Variants in PLEKHD1 observed in about 807,000 individuals in gnomAD.
PLEKHD1 encodes the protein pleckstrin homology and coiled-coil domain containing D1.
A neutral mutation model predicts 69.2 loss-of-function variants in PLEKHD1; 51 were observed. The observed-to-expected ratio is 0.74, with a 90% CI of 0.59 to 0.93. The LOEUF (loss-of-function observed/expected upper bound fraction) is 0.93, where lower values mean the gene tolerates loss of function less well. PLEKHD1 is among the 40% of genes least tolerant of loss of function. The pLI, the probability that PLEKHD1 is intolerant of heterozygous loss-of-function variation, is 0.00. For missense variants in PLEKHD1, 584 were observed against 641.0 expected, an observed-to-expected ratio of 0.91 and a Z score of 0.96; for synonymous variants, 236 against 244.7, an observed-to-expected ratio of 0.96 and a Z score of 0.33.
chr14:69,492,458 C>T (rs1272287118), intron 1 of PLEKHD1, among the ~76,000 whole-genome samples: 1 of 152,218 alleles, frequency 6.6e-6, no homozygotes, highest in Non-Finnish European at 1.5e-5. Context: ...GTCTACTCTC[C>T]TGGTGTGTTG....
rs897773384 is a variant in PLEKHD1, at chr14:69,492,297, T to C, written c.149+7183T>C. Among the ~76,000 whole-genome samples the C allele has an allele frequency of 1.1e-4, 16 of 152,226 alleles. No individual in the cohort carries two copies. The South Asian group carries it at 1.4e-3, about 14-fold the overall frequency. ...CTTCCAAATTCCCAAGATACTCCTA[T>C]TCATTCTTCAAAGCCCTGCTTAGTT... On this transcript the variant is annotated intron_variant, in intron 1 of 12. Transcript: ENST00000322564.
chr14:69,515,283 C>A (rs1194587646), intron 6 of PLEKHD1, among the ~76,000 whole-genome samples: 1 of 152,166 alleles, frequency 6.6e-6, no homozygotes, highest in Non-Finnish European at 1.5e-5. Context: ...TCACTGAGAA[C>A]CTGGTAGAGC....
At chr14:69,483,860 T>C (rs1237116344), upstream of PLEKHD1, among the ~76,000 whole-genome samples, 1 of 152,008 alleles carries the variant, frequency 6.6e-6, no homozygotes, top group Non-Finnish European at 1.5e-5. Flanking sequence ...GAGGAGGCGG[T>C]CCCCTGGGGC....
In PLEKHD1 at chr14:69,524,214, CCT is replaced by C; in HGVS notation, c.651-12_651-11del. On this transcript the variant is annotated splice_polypyrimidine_tract_variant and intron_variant, in intron 7 of 12. Coordinates refer to ENST00000322564, the MANE Select transcript of PLEKHD1 (RefSeq NM_001161498.2). ...GAGAGTGGGCACTGCCATACCCAGC[CCT>C]CTGTCTCCACAGGGAGCTGGAACTG... is the stretch of plus-strand genomic sequence containing the variant. The C allele has an allele frequency of 1.3e-6, 2 of 1,543,360 alleles. No homozygotes were observed. The highest frequency in any genetic ancestry group is 2.4e-5 in the South Asian group (2 of 83,854).
At chr14:69,512,082 G>A (rs925536636) in intron 6 of PLEKHD1, among the ~76,000 whole-genome samples, 1 of 152,182 alleles carries the variant, frequency 6.6e-6, no homozygotes, top group South Asian at 2.1e-4. Context: ...ATAGATATAG[G>A]CCTATTCAAA....
intron 6 of PLEKHD1, among the ~76,000 whole-genome samples, chr14:69,518,010 ATTTATTTATTTATTTATTTATTTG>A (rs908771103): frequency 8.7e-5 from 4 of 45,962 alleles, no homozygotes; most frequent in East Asian, 9.0e-4. Flanking sequence ...TTATTTATTT[ATTTATTTATTTATTTATTTATTTG>A]TTTGTTTGTT....
intron 1 of PLEKHD1, among the ~76,000 whole-genome samples, chr14:69,497,215 C>T (rs183637363): frequency 7.1e-4 from 108 of 152,320 alleles, no homozygotes; most frequent in Non-Finnish European, 9.8e-4. Flanking sequence ...CCCATTCTAT[C>T]GATAGAGAAA....
At chr14:69,499,955 G>T (rs913110346) in intron 1 of PLEKHD1, among the ~76,000 whole-genome samples, 160 bp from the exon 2 acceptor site, 2 of 152,104 alleles carry the variant, frequency 1.3e-5, no homozygotes, top group African/African-American at 4.8e-5. Flanking sequence ...GCCAGCTGAG[G>T]CCTTTGTGAG....
At chr14:69,470,112 A>G in the PLEKHD1 span, among the ~76,000 whole-genome samples, 3 of 152,154 alleles carry the variant, frequency 2.0e-5, no homozygotes, top group Non-Finnish European at 2.9e-5. Flanking sequence ...CCAGGCTGCA[A>G]GCCCAGCACT....
chr14:69,497,703 G>T (rs1882917469), intron 1 of PLEKHD1, among the ~76,000 whole-genome samples: 1 of 152,246 alleles, frequency 6.6e-6, no homozygotes, highest in Admixed American at 6.5e-5. Context: ...AAGCTGAGAG[G>T]TGGGAAGAGG....
At chr14:69,493,363 T>G (rs367762567) in intron 1 of PLEKHD1, among the ~76,000 whole-genome samples, 1 of 152,232 alleles carries the variant, frequency 6.6e-6, no homozygotes, top group Non-Finnish European at 1.5e-5. Context: ...GAAATAACCG[T>G]GTTCTGAGTT....
At chr14:69,476,769 G>A in the PLEKHD1 span, among the ~76,000 whole-genome samples, 30 of 152,114 alleles carry the variant, frequency 2.0e-4, no homozygotes, top group African/African-American at 5.3e-4. Context: ...GAGTGAGCGC[G>A]GACAGGGGCC....
intron 8 of PLEKHD1, 38 bp downstream of exon 8, chr14:69,524,360 G>A: frequency 1.3e-6 from 2 of 1,514,708 alleles, no homozygotes. Context: ...CCAGGTGGCA[G>A]GCTGGTTGGT....
At chr14:69,510,226 A>C (rs1301564466) in intron 6 of PLEKHD1, among the ~76,000 whole-genome samples, 1 of 152,176 alleles carries the variant, frequency 6.6e-6, no homozygotes, top group Non-Finnish European at 1.5e-5. Context: ...GTCAGTTTCC[A>C]CAAAACAACA....
chr14:69,517,537 ACT>A (rs925999377), intron 6 of PLEKHD1, among the ~76,000 whole-genome samples: 75 of 152,044 alleles, frequency 4.9e-4, no homozygotes, highest in Non-Finnish European at 9.3e-4. Context: ...CAGGCGCAGC[ACT>A]CTCTGAACTG....
chr14:69,508,223 A>G (rs1435658848), intron 6 of PLEKHD1, among the ~76,000 whole-genome samples: 1 of 152,128 alleles, frequency 6.6e-6, no homozygotes, highest in Non-Finnish European at 1.5e-5. Flanking sequence ...CCTGGCCAAC[A>G]TGGTGAAATG....
intron 1 of PLEKHD1, among the ~76,000 whole-genome samples, chr14:69,491,596 G>C (rs1490110632): frequency 1.3e-5 from 2 of 152,236 alleles, no homozygotes. Flanking sequence ...TCACCTGAGT[G>C]GACAGAGACT....
Position 69,527,951 on chromosome 14 carries a change from G to A in PLEKHD1, c.1351+19G>A, listed in dbSNP as rs572683979. 1.9e-5 allele frequency: 29 copies of A among 1,551,122 alleles called. No homozygotes were observed. Among genetic ancestry groups the A allele is most frequent in the African/African-American group, 9.6e-5 (7 of 73,176 alleles). On this transcript the variant is annotated intron_variant, in intron 12 of 12. Transcript: ENST00000322564. ...AATGACAGTGAGTGTGGCTGTCTGC[G>A]TGCCCTGGTGGGATGGTGACAAGGC... is the stretch of plus-strand genomic sequence containing the variant.
intron 7 of PLEKHD1, among the ~76,000 whole-genome samples, chr14:69,523,989 C>T (rs1250774015): frequency 1.3e-5 from 2 of 152,260 alleles, no homozygotes; most frequent in East Asian, 3.9e-4. Context: ...TAGGTTTATT[C>T]CAGGTGACAG....
Sources: allele counts gnomAD v4.1 joint callset (sites outside exome capture counted in the v4.1 genomes callset), GRCh38; gene constraint gnomAD v4.1.1; transcripts MANE v1.5; gene names NCBI Gene and HGNC (gene_info 2026-07-23, HGNC 2026-07-21).